Variants in NAMPT observed in about 807,000 individuals in gnomAD.
NAMPT encodes nicotinamide phosphoribosyltransferase, also known as NAmPRTase.
NAMPT carries 7 observed loss-of-function variants against 58.7 expected under a neutral mutation model. That is an observed-to-expected ratio of 0.12 (90% CI 0.07 to 0.22). The LOEUF is 0.22. NAMPT is among the 10% of genes least tolerant of loss of function. NAMPT has a pLI of 1.00. For synonymous variants in NAMPT, 145 were observed against 198.1 expected, an observed-to-expected ratio of 0.73 and a Z score of 2.25; for missense variants, 271 against 567.9, an observed-to-expected ratio of 0.48 and a Z score of 5.31.
At position 106,266,096 on chromosome 7, in the gene NAMPT, C is replaced by T. The variant is rs1792402959; in HGVS notation, c.743+2368G>A. 2.0e-5 allele frequency among the ~76,000 whole-genome samples: 3 copies of T among 152,110 alleles called. No individual in the cohort carries two copies. In the South Asian group the frequency reaches 6.2e-4, roughly 32 times the overall value. ...AGATAAGTGACTTGCCCAAGGCCAC[C>T]CACTATGTCAGCCGGAAGGTCACCC... On this transcript the variant is annotated intron_variant, in intron 6 of 10. Coordinates refer to ENST00000222553, the MANE Select transcript of NAMPT (RefSeq NM_005746.3).
chr7:106,270,293 C>A (rs1221166859), intron 4 of NAMPT: 1 of 422,930 alleles, frequency 2.4e-6, no homozygotes, highest in Admixed American at 2.7e-5. Context: ...AGCTTCAAAT[C>A]TGTTTGAAAA....
intron 8 of NAMPT, among the ~76,000 whole-genome samples, chr7:106,260,191 C>T (rs933045123): frequency 6.6e-6 from 1 of 152,210 alleles, no homozygotes; most frequent in Non-Finnish European, 1.5e-5. Flanking sequence ...AGGCTGTTTC[C>T]TCTACACTGA....
chr7:106,272,197 G>C, intron 4 of NAMPT: 2 of 283,846 alleles, frequency 7.0e-6, no homozygotes, highest in East Asian at 1.3e-4. Flanking sequence ...ATCGAATGTC[G>C]TAAGTTACTA....
intron 9 of NAMPT, 129 bp from the exon 10 acceptor site, chr7:106,253,280 C>G (rs1792135325): frequency 6.8e-6 from 6 of 882,524 alleles, no homozygotes; most frequent in Non-Finnish European, 1.0e-5. Context: ...TATAACTGAA[C>G]CAATCCACAT....
At chr7:106,279,899 G>T (rs1257836845) in intron 1 of NAMPT, among the ~76,000 whole-genome samples, 2 of 152,116 alleles carry the variant, frequency 1.3e-5, no homozygotes, top group Non-Finnish European at 2.9e-5. Flanking sequence ...AAATGCTTTG[G>T]CATAAGGGAC....
At chr7:106,258,611 G>A (rs1350554273) in intron 8 of NAMPT, among the ~76,000 whole-genome samples, 1 of 152,178 alleles carries the variant, frequency 6.6e-6, no homozygotes, top group African/African-American at 2.4e-5. Context: ...CCAGACCACT[G>A]CAATAAAGCA....
At chr7:106,276,985 A>T in intron 2 of NAMPT, 38 bp downstream of exon 2, 1 of 1,473,270 alleles carries the variant, frequency 6.8e-7, no homozygotes, top group Non-Finnish European at 9.5e-7. Flanking sequence ...AGTTAAGAGT[A>T]ATAAGCAGTG....
intron 1 of NAMPT, among the ~76,000 whole-genome samples, chr7:106,280,663 C>T (rs894732735): frequency 6.6e-6 from 1 of 152,066 alleles, no homozygotes; most frequent in African/African-American, 2.4e-5. Flanking sequence ...AAGAACTGGC[C>T]GGGCACGGTG....
intron 6 of NAMPT, among the ~76,000 whole-genome samples, chr7:106,267,600 G>C (rs556081310): frequency 2.0e-5 from 3 of 152,014 alleles, no homozygotes; most frequent in East Asian, 3.9e-4. Flanking sequence ...CCAGCACTTT[G>C]GGAGGCCGAG....
intron 8 of NAMPT, among the ~76,000 whole-genome samples, chr7:106,257,900 T>TGC (rs1792232447): frequency 6.6e-6 from 1 of 151,790 alleles, no homozygotes; most frequent in South Asian, 2.1e-4. Flanking sequence ...GAGGGGTGTG[T>TGC]GTGTGTGTCT....
At chr7:106,266,400 T>C (rs1024962674) in intron 6 of NAMPT, among the ~76,000 whole-genome samples, 2 of 152,220 alleles carry the variant, frequency 1.3e-5, no homozygotes, top group Non-Finnish European at 2.9e-5. Flanking sequence ...AATATGTGCA[T>C]ACTATGTTAG....
upstream of NAMPT, chr7:106,285,177 G>T: frequency 8.2e-7 from 1 of 1,226,962 alleles, no homozygotes; most frequent in African/African-American, 1.6e-5. Flanking sequence ...GCCGAGAAAG[G>T]GCGGGGCGCG....
At chr7:106,252,812 C>G (rs939787761) in intron 10 of NAMPT, among the ~76,000 whole-genome samples, 2 of 152,006 alleles carry the variant, frequency 1.3e-5, no homozygotes, top group African/African-American at 4.8e-5. Flanking sequence ...AATATTTCTC[C>G]CTATGTATAC....
At chr7:106,258,060 C>G (rs145372125) in intron 8 of NAMPT, among the ~76,000 whole-genome samples, 34 of 152,322 alleles carry the variant, frequency 2.2e-4, no homozygotes, top group Non-Finnish European at 3.4e-4. Flanking sequence ...AGGTCCTCCC[C>G]CTTCTCCCTG....
At chr7:106,257,920 C>T (rs955586283) in intron 8 of NAMPT, among the ~76,000 whole-genome samples, 4 of 152,090 alleles carry the variant, frequency 2.6e-5, no homozygotes, top group Non-Finnish European at 5.9e-5. Flanking sequence ...TGTGTATACA[C>T]GTAAGTGCTA....
chr7:106,284,681 GC>G, intron 1 of NAMPT, 146 bp downstream of exon 1: 1 of 976,854 alleles, frequency 1.0e-6, no homozygotes, highest in Non-Finnish European at 1.3e-6. Flanking sequence ...AGCCGCCGCC[GC>G]CCGCGCCTCC....
intron 6 of NAMPT, among the ~76,000 whole-genome samples, chr7:106,266,660 T>C (rs1204432061): frequency 6.6e-6 from 1 of 152,186 alleles, no homozygotes; most frequent in Non-Finnish European, 1.5e-5. Flanking sequence ...TTCTTTCCAT[T>C]TATTTAGCAC....
intron 1 of NAMPT, among the ~76,000 whole-genome samples, chr7:106,279,482 A>C (rs981649157): frequency 2.0e-5 from 3 of 152,218 alleles, no homozygotes; most frequent in African/African-American, 7.2e-5. Context: ...AGAGCTTTTT[A>C]AGAAAGTATT....
At chr7:106,268,415 A>G (rs370434165) in intron 6 of NAMPT, 49 bp downstream of exon 6, 1 of 1,569,202 alleles carries the variant, frequency 6.4e-7, no homozygotes, top group African/African-American at 1.4e-5. Context: ...AGTTACAAAT[A>G]CAAGAGTGAA....
Sources: gnomAD v4.1 joint callset for allele counts (sites outside exome capture counted in the v4.1 genomes callset) on GRCh38, gnomAD v4.1.1 for gene constraint, MANE v1.5 for transcripts, NCBI Gene and HGNC (gene_info 2026-07-23, HGNC 2026-07-21) for gene names.